The following IMMP2L variants were observed in gnomAD, a reference collection of about 807,000 sequenced individuals.
IMMP2L encodes the protein inner mitochondrial membrane peptidase subunit 2.
Under a neutral mutation model 19.3 loss-of-function variants are expected in IMMP2L, and 18 were observed. The ratio of observed to expected loss-of-function variants is 0.93; its 90% CI spans 0.64 to 1.38. IMMP2L has a LOEUF of 1.38. Among genes scored for constraint, IMMP2L ranks in the 40% most tolerant of loss-of-function variants. The pLI is 0.00. For missense variants in IMMP2L, 233 were observed against 218.2 expected, an observed-to-expected ratio of 1.07 and a Z score of -0.43; for synonymous variants, 76 against 73.0, an observed-to-expected ratio of 1.04 and a Z score of -0.21.
intron 3 of IMMP2L, among the ~76,000 whole-genome samples, chr7:111,240,611 G>C (rs1269339468): frequency 6.6e-6 from 1 of 151,918 alleles, no homozygotes; most frequent in Non-Finnish European, 1.5e-5. Context: ...ACCATGTGTT[G>C]TATCTACGAC....
chr7:111,454,140 G>GT (rs948865730), intron 3 of IMMP2L, among the ~76,000 whole-genome samples: 4 of 151,960 alleles, frequency 2.6e-5, no homozygotes, highest in African/African-American at 9.7e-5. Flanking sequence ...TTTGGTTTTT[G>GT]TTTTTTATTA....
At chr7:111,339,916 A>G (rs1443074319) in intron 3 of IMMP2L, among the ~76,000 whole-genome samples, 1 of 152,052 alleles carries the variant, frequency 6.6e-6, no homozygotes, top group African/African-American at 2.4e-5. Flanking sequence ...ACATGGTTTA[A>G]GAACTGCACA....
rs550855292 is a variant in IMMP2L, at chr7:111,085,198, G to C, written c.240-121633C>G. Among the ~76,000 whole-genome samples the C allele has an allele frequency of 4.6e-5, 7 of 152,178 alleles. No individual in the cohort carries two copies. The South Asian group carries it at 1.2e-3, about 27-fold the overall frequency. ...CCTTGATTGTGAATTTCTTGGCATA[G>C]TGAGATTACTTTTGTTCTTCAAATG... On this transcript the variant is annotated intron_variant, in intron 3 of 5. Transcript: ENST00000405709.
chr7:110,800,355 C>T (rs576390620), intron 5 of IMMP2L, among the ~76,000 whole-genome samples: 69 of 152,174 alleles, frequency 4.5e-4, no homozygotes, highest in Middle Eastern at 3.4e-3. Context: ...ATGTCCATCT[C>T]ATTTAATGAT....
At chr7:111,059,643 T>A (rs544911026) in intron 3 of IMMP2L, among the ~76,000 whole-genome samples, 1 of 152,328 alleles carries the variant, frequency 6.6e-6, no homozygotes, top group Admixed American at 6.5e-5. Context: ...TAATTTTATA[T>A]ATTTTAGCAT....
intron 1 of IMMP2L, among the ~76,000 whole-genome samples, chr7:111,557,591 C>T (rs1391509189): frequency 1.3e-5 from 2 of 152,146 alleles, no homozygotes; most frequent in African/African-American, 2.4e-5. Context: ...CTACTAAAAC[C>T]CTTACCTGGT....
At chr7:110,681,674 A>G (rs975036135) in intron 5 of IMMP2L, among the ~76,000 whole-genome samples, 3 of 152,172 alleles carry the variant, frequency 2.0e-5, no homozygotes, top group African/African-American at 7.2e-5. Flanking sequence ...AAGGTGTTCT[A>G]TTTCATAAAT....
intron 5 of IMMP2L, among the ~76,000 whole-genome samples, chr7:110,746,325 C>T (rs189532443): frequency 1.1e-3 from 171 of 152,240 alleles, no homozygotes; most frequent in African/African-American, 3.9e-3. Flanking sequence ...TAATACCCCA[C>T]TGTCAACATT....
intron 3 of IMMP2L, among the ~76,000 whole-genome samples, chr7:111,312,495 G>A (rs1823625641): frequency 6.6e-6 from 1 of 152,128 alleles, no homozygotes; most frequent in Non-Finnish European, 1.5e-5. Flanking sequence ...GGAGTGGGGA[G>A]GGGATCATAG....
intron 3 of IMMP2L, among the ~76,000 whole-genome samples, chr7:111,454,497 T>C (rs1368108290): frequency 6.6e-6 from 1 of 152,034 alleles, no homozygotes; most frequent in Non-Finnish European, 1.5e-5. Context: ...CTCAACTCAC[T>C]AAAGGAAGTA....
chr7:111,032,230 C>G (rs568913651), intron 3 of IMMP2L, among the ~76,000 whole-genome samples: 16 of 152,168 alleles, frequency 1.1e-4, no homozygotes, highest in South Asian at 6.2e-4. Context: ...CATGAGCCAC[C>G]GCATCTGACC....
chr7:110,953,114 A>T (rs1026499871), intron 4 of IMMP2L, among the ~76,000 whole-genome samples: 4 of 152,118 alleles, frequency 2.6e-5, no homozygotes, highest in African/African-American at 7.2e-5. Flanking sequence ...TTTCAAGTGC[A>T]TATTTTCATT....
Position 110,865,784 on chromosome 7 carries a change from T to C in IMMP2L, c.408+20809A>G, listed in dbSNP as rs576372161. On this transcript the variant is annotated intron_variant, in intron 5 of 5. Coordinates refer to ENST00000405709, the MANE Select transcript of IMMP2L (RefSeq NM_032549.4). Reference sequence around the variant, plus strand: ...AGCTTTTCATTTTTAGTATTTAACCTGATTTCAGCTCCATTTTTAATGAGG... The same window carrying C: ...AGCTTTTCATTTTTAGTATTTAACCCGATTTCAGCTCCATTTTTAATGAGG... Among the ~76,000 whole-genome samples the C allele has an allele frequency of 2.0e-5, 3 of 152,152 alleles. No individual in the cohort carries two copies. In the South Asian group the frequency reaches 6.2e-4, roughly 32 times the overall value.
intron 1 of IMMP2L, among the ~76,000 whole-genome samples, chr7:111,534,807 A>G (rs1847732000): frequency 6.6e-6 from 1 of 152,184 alleles, no homozygotes; most frequent in Non-Finnish European, 1.5e-5. Flanking sequence ...GGTGGCTTCA[A>G]GACTTTCCAC....
At chr7:111,199,099 T>C (rs1251309182) in intron 3 of IMMP2L, among the ~76,000 whole-genome samples, 1 of 152,122 alleles carries the variant, frequency 6.6e-6, no homozygotes, top group Non-Finnish European at 1.5e-5. Flanking sequence ...TTTTTTTTCA[T>C]TAATTTACAT....
At chr7:111,033,207 T>TAG (rs1047244974) in intron 3 of IMMP2L, among the ~76,000 whole-genome samples, 42 of 152,194 alleles carry the variant, frequency 2.8e-4, no homozygotes, top group African/African-American at 9.9e-4. Flanking sequence ...AATGAATACA[T>TAG]ATGACAAGTA....
rs575847478 is a variant in IMMP2L at position 110,922,768 on chromosome 7, G to A, written c.306-36073C>T. Among the ~76,000 whole-genome samples, 4 of 152,242 alleles carry A rather than the reference G, an allele frequency of 2.6e-5. No homozygotes were observed. The South Asian group carries it at 8.3e-4, about 32-fold the overall frequency. On this transcript the variant is annotated intron_variant, in intron 4 of 5. Transcript: ENST00000405709. Reference sequence around the variant, plus strand: ...CTGCAGCCACCGATTGTAAGAATATGAGGCTGATGTTGCTTCAAATGTATA... The same window carrying A: ...CTGCAGCCACCGATTGTAAGAATATAAGGCTGATGTTGCTTCAAATGTATA...
chr7:111,194,868 T>G (rs887457109), intron 3 of IMMP2L, among the ~76,000 whole-genome samples: 1 of 152,144 alleles, frequency 6.6e-6, no homozygotes, highest in African/African-American at 2.4e-5. Context: ...TAATCATATC[T>G]AACATGTAGA....
intron 3 of IMMP2L, among the ~76,000 whole-genome samples, chr7:111,107,950 A>T (rs1798735832): frequency 6.6e-6 from 1 of 152,162 alleles, no homozygotes; most frequent in African/African-American, 2.4e-5. Context: ...CACCAAAAAT[A>T]TTTCCCAGTC....
Sources: allele counts gnomAD v4.1 joint callset (sites outside exome capture counted in the v4.1 genomes callset), GRCh38; gene constraint gnomAD v4.1.1; transcripts MANE v1.5; gene names NCBI Gene and HGNC (gene_info 2026-07-23, HGNC 2026-07-21).